Variants in SYNDIG1 observed in about 807,000 individuals in gnomAD.
SYNDIG1 encodes the protein synapse differentiation-inducing gene protein 1.
A neutral mutation model predicts 19.4 loss-of-function variants in SYNDIG1; 9 were observed. The observed-to-expected ratio is 0.46, with a 90% CI of 0.28 to 0.81. SYNDIG1 has a LOEUF of 0.81. Ranked by LOEUF, SYNDIG1 falls within the 30% of genes least tolerant of loss-of-function variation. The pLI is 0.12. For synonymous variants in SYNDIG1, 141 were observed against 145.9 expected (o/e 0.97, Z 0.24); for missense variants, 311 against 343.3 (o/e 0.91, Z 0.74).
chr20:24,621,046 A>G (rs1169141937), intron 3 of SYNDIG1, among the ~76,000 whole-genome samples: 1 of 152,236 alleles, frequency 6.6e-6, no homozygotes, highest in African/African-American at 2.4e-5. Flanking sequence ...GTGAATCTTC[A>G]GTGGGCAAAG....
chr20:24,505,585 G>A (rs906469370), intron 1 of SYNDIG1, among the ~76,000 whole-genome samples: 3 of 152,184 alleles, frequency 2.0e-5, no homozygotes, highest in Non-Finnish European at 4.4e-5. Context: ...AGCAGACTGG[G>A]TCCTCATTCT....
chr20:24,561,800 A>G (rs2057952107), intron 2 of SYNDIG1, among the ~76,000 whole-genome samples: 1 of 152,236 alleles, frequency 6.6e-6, no homozygotes, highest in African/African-American at 2.4e-5. Flanking sequence ...TGCAGTAAAT[A>G]TGGACAAAGA....
At chr20:24,555,873 T>C (rs1388528196) in intron 2 of SYNDIG1, among the ~76,000 whole-genome samples, 1 of 152,162 alleles carries the variant, frequency 6.6e-6, no homozygotes, top group African/African-American at 2.4e-5. Flanking sequence ...TAAATTTCTG[T>C]CTCGTTGATC....
intron 1 of SYNDIG1, among the ~76,000 whole-genome samples, chr20:24,471,697 G>T (rs565859641): frequency 4.2e-4 from 64 of 151,858 alleles, no homozygotes; most frequent in Non-Finnish European, 7.8e-4. Context: ...GACAGACAGA[G>T]AATAGCACTG....
At chr20:24,566,963 G>T (rs2058055047) in intron 2 of SYNDIG1, among the ~76,000 whole-genome samples, 1 of 152,208 alleles carries the variant, frequency 6.6e-6, no homozygotes, top group Admixed American at 6.5e-5. Context: ...GCACGAGACT[G>T]ACCTTTCTTG....
chr20:24,622,299 G>A (rs543521070), intron 3 of SYNDIG1, among the ~76,000 whole-genome samples: 2 of 152,302 alleles, frequency 1.3e-5, no homozygotes, highest in East Asian at 3.9e-4. Flanking sequence ...TAGGTGAAAG[G>A]AAATGACCCA....
intron 1 of SYNDIG1, among the ~76,000 whole-genome samples, chr20:24,479,654 C>T (rs1163437427): frequency 1.3e-5 from 2 of 152,244 alleles, no homozygotes; most frequent in Admixed American, 6.5e-5. Context: ...ATCTTTTCCA[C>T]CCTTGGCCCC....
At chr20:24,591,821 T>G (rs1020073073) in intron 3 of SYNDIG1, among the ~76,000 whole-genome samples, 26 of 152,222 alleles carry the variant, frequency 1.7e-4, no homozygotes, top group Admixed American at 6.5e-4. Flanking sequence ...CAATGCCCAC[T>G]TCTGGGTCAG....
At chr20:24,518,715 A>T (rs1446487513) in intron 1 of SYNDIG1, among the ~76,000 whole-genome samples, 2 of 152,220 alleles carry the variant, frequency 1.3e-5, no homozygotes, top group African/African-American at 4.8e-5. Context: ...AAGGGCCCTA[A>T]GGCCATCACA....
rs201004570 is a variant in SYNDIG1 at position 24,640,473 on chromosome 20, AGAAGGAAGGAAGGAAGGAAGGAAG to A, written c.619-24838_619-24815del. On this transcript the variant is annotated intron_variant, in intron 3 of 3. Transcript: ENST00000376862. ...ATGAAGGAAGAAGGGAGGGAGGGAA[AGAAGGAAGGAAGGAAGGAAGGAAG>A]GAAGGAAGGAAGGAAGGAAGGAAGG... Among the ~76,000 whole-genome samples the A allele has an allele frequency of 5.4e-4, 54 of 100,574 alleles. 1 individual carries two copies. The highest frequency in any genetic ancestry group is 8.3e-4 in the East Asian group (2 of 2,408). 66.0% of individuals were successfully genotyped at this position (100,574 alleles called of 152,430 possible).
intron 1 of SYNDIG1, among the ~76,000 whole-genome samples, chr20:24,486,659 A>ATT (rs371963998): frequency 4.8e-5 from 7 of 145,966 alleles, no homozygotes; most frequent in African/African-American, 1.5e-4. Flanking sequence ...TATTTATTTA[A>ATT]TTTTTTTTTT....
intron 1 of SYNDIG1, among the ~76,000 whole-genome samples, chr20:24,496,918 TC>T (rs1043471358): frequency 6.6e-6 from 1 of 152,344 alleles, no homozygotes; most frequent in African/African-American, 2.4e-5. Context: ...TTCTATGCCT[TC>T]CCCCTCAAAA....
intron 1 of SYNDIG1, among the ~76,000 whole-genome samples, chr20:24,498,933 T>A (rs1278608657): frequency 1.3e-5 from 2 of 152,162 alleles, no homozygotes; most frequent in Non-Finnish European, 2.9e-5. Flanking sequence ...CATAGGGTGG[T>A]TCGAGTTTCC....
At chr20:24,511,167 G>C (rs2056734577) in intron 1 of SYNDIG1, among the ~76,000 whole-genome samples, 1 of 152,100 alleles carries the variant, frequency 6.6e-6, no homozygotes, top group Non-Finnish European at 1.5e-5. Flanking sequence ...GCTCAGGGCA[G>C]GCCATTTCTT....
intron 1 of SYNDIG1, among the ~76,000 whole-genome samples, chr20:24,538,738 T>C (rs1251646279): frequency 6.6e-6 from 1 of 151,466 alleles, no homozygotes; most frequent in African/African-American, 2.4e-5. Flanking sequence ...AGGATTCCAA[T>C]TTTTTCACAT....
At position 24,558,695 on chromosome 20, in the gene SYNDIG1, ATTG is replaced by A. The variant is rs577181511; in HGVS notation, c.480+15121_480+15123del. 3.9e-5 allele frequency among the ~76,000 whole-genome samples: 6 copies of A among 152,234 alleles called. No homozygotes were observed. In the South Asian group the frequency reaches 8.3e-4, roughly 21 times the overall value. ...GTTTCTCTGTTGATATTTTAACTGT[ATTG>A]TTATTTTCTTAGTATTGTCTCTGCA... is the stretch of plus-strand genomic sequence containing the variant. On this transcript the variant is annotated intron_variant, in intron 2 of 3. Transcript: ENST00000376862.
chr20:24,606,315 C>T (rs1318020968), intron 3 of SYNDIG1, among the ~76,000 whole-genome samples: 1 of 152,254 alleles, frequency 6.6e-6, no homozygotes, highest in African/African-American at 2.4e-5. Context: ...GCCTCCTGAA[C>T]AGCTGATGGT....
intron 2 of SYNDIG1, among the ~76,000 whole-genome samples, chr20:24,557,308 C>T (rs1207911856): frequency 6.6e-6 from 1 of 152,230 alleles, no homozygotes; most frequent in East Asian, 1.9e-4. Context: ...CTCGACTCGT[C>T]AAAGTCATTC....
intron 3 of SYNDIG1, among the ~76,000 whole-genome samples, chr20:24,598,647 G>C (rs1377820337): frequency 6.6e-6 from 1 of 152,242 alleles, no homozygotes; most frequent in Admixed American, 6.5e-5. Context: ...ACAGATTCTA[G>C]TCCAATCTCA....
Sources: allele counts gnomAD v4.1 joint callset (sites outside exome capture counted in the v4.1 genomes callset), GRCh38; gene constraint gnomAD v4.1.1; transcripts MANE v1.5; gene names NCBI Gene and HGNC (gene_info 2026-07-23, HGNC 2026-07-21).